Variants in FUS observed in about 807,000 individuals in gnomAD.
FUS encodes the protein RNA-binding protein FUS.
FUS carries 5 observed loss-of-function variants against 82.7 expected under a neutral mutation model. That is an observed-to-expected ratio of 0.06 (90% CI 0.03 to 0.13). FUS has a LOEUF of 0.13. Ranked by LOEUF, FUS falls within the 10% of genes least tolerant of loss-of-function variation. The pLI is 1.00. For synonymous variants in FUS, 281 were observed against 247.4 expected (o/e 1.14, Z -1.27); for missense variants, 512 against 707.8 (o/e 0.72, Z 3.14).
At chr16:31,184,661 T>A (rs1434711970) in intron 5 of FUS, among the ~76,000 whole-genome samples, 1 of 152,010 alleles carries the variant, frequency 6.6e-6, no homozygotes, top group African/African-American at 2.4e-5. Context: ...GCCAGGATGG[T>A]TTCGATCTCC....
At chr16:31,192,266 G>C (rs1271842459), downstream of FUS, 2 of 526,658 alleles carry the variant, frequency 3.8e-6, no homozygotes, top group East Asian at 8.1e-5. Flanking sequence ...AGGGTGGAAG[G>C]CCCTCCTAAG....
At position 31,180,165 on chromosome 16, in the gene FUS, A is replaced by G. The variant is rs763840268; in HGVS notation, c.-50A>G. On this transcript the variant is annotated 5_prime_UTR_variant, in exon 1 of 15. Transcript: ENST00000254108. Reference sequence around the variant, plus strand: ...CTCAGTCCTCCAGGCGTCGGTACTCAGCGGTGTTGGAACTTCGTTGCTTGC... The same window carrying G: ...CTCAGTCCTCCAGGCGTCGGTACTCGGCGGTGTTGGAACTTCGTTGCTTGC... 77 of 1,602,862 alleles carry G rather than the reference A, an allele frequency of 4.8e-5. No individual in the cohort carries two copies. Among genetic ancestry groups the G allele is most frequent in the Middle Eastern group, 1.6e-4 (1 of 6,070 alleles).
downstream of FUS, chr16:31,193,669 G>T (rs907668604): frequency 1.9e-6 from 1 of 531,708 alleles, no homozygotes; most frequent in South Asian, 1.5e-5. Flanking sequence ...GGTCCAGTTT[G>T]GGGGGATCTT....
intron 10 of FUS, 60 bp from the exon 11 acceptor site, chr16:31,189,980 G>A: frequency 6.4e-7 from 1 of 1,565,460 alleles, no homozygotes; most frequent in Non-Finnish European, 8.7e-7. Context: ...CGCTTCTCTT[G>A]TATTTTCGGA....
chr16:31,194,740 C>G (rs548879161), downstream of FUS: 16 of 484,684 alleles, frequency 3.3e-5, no homozygotes, highest in Middle Eastern at 6.1e-4. Flanking sequence ...TGAGAACATA[C>G]AAAGCCACTC....
Position 31,184,278 on chromosome 16 carries a change from C to G in FUS, c.405C>G (p.Ser135Arg). The G allele has an allele frequency of 6.2e-7, 1 of 1,614,092 alleles. No individual in the cohort carries two copies. Among genetic ancestry groups the G allele is most frequent in the Non-Finnish European group, 8.5e-7 (1 of 1,180,006 alleles). Residue 135 changes from serine to arginine, a missense_variant, in exon 5 of 15, where the codon AGC becomes AGG. Coordinates refer to ENST00000254108, the MANE Select transcript of FUS (RefSeq NM_004960.4). ...PQSGSYSQQPSYGGQQQSYGQ... is the reference protein window; with the variant it reads ...PQSGSYSQQPRYGGQQQSYGQ... The stretch of plus-strand genomic sequence containing the variant: ...GTGGGAGCTACAGCCAGCAGCCTAG[C>G]TATGGTGGACAGCAGCAAAGCTATG...
At position 31,189,139 on chromosome 16, in the gene FUS, C is replaced by G; in HGVS notation, c.849C>G (p.Asp283Glu). Reference protein sequence around the residue: ...SRHDSEQDNSDNNTIFVQGLG... With the variant: ...SRHDSEQDNSENNTIFVQGLG... ...AACAAGCAGAACAGGATAATTCAGA[C>G]AACAACACCATCTTTGTGCAAGGCC... The change falls in exon 9 of 15, where the codon GAC becomes GAG. Residue 283 changes from aspartate to glutamate, a missense_variant. This residue lies in a region of FUS where 51 missense variants were observed against 72.2 expected (regional missense o/e 0.71). Transcript: ENST00000254108. 5 of 1,613,490 alleles carry G rather than the reference C, an allele frequency of 3.1e-6. No individual in the cohort carries two copies. The highest frequency in any genetic ancestry group is 4.2e-6 in the Non-Finnish European group (5 of 1,179,420).
chr16:31,190,973 C>T lies in FUS; in HGVS notation c.1404C>T (p.Tyr468=), dbSNP rs562029185. ...TTTCTTTTGTCCTAGGGGGTAACTACGGGGATGATCGTCGTGGTGGCAGAG... is the reference window on the plus strand; with the variant it reads ...TTTCTTTTGTCCTAGGGGGTAACTATGGGGATGATCGTCGTGGTGGCAGAG... ...GPGGSHMGGN[Y]GDDRRGGRGG... Residue 468 remains tyrosine (Y), a synonymous_variant, in exon 14 of 15, where the codon TAC becomes TAT. Transcript: ENST00000254108. 3.6e-5 allele frequency: 58 copies of T among 1,612,690 alleles called. No individual in the cohort carries two copies. The South Asian group carries it at 5.8e-4, about 16-fold the overall frequency.
At chr16:31,183,164 G>A (rs1193677575) in intron 3 of FUS, 3 of 194,114 alleles carry the variant, frequency 1.5e-5, no homozygotes, top group African/African-American at 4.7e-5. Context: ...AGGAGGCTGA[G>A]GCGGGAGGAT....
intron 8 of FUS, 43 bp downstream of exon 8, chr16:31,188,400 T>C (rs1274299614): frequency 1.3e-6 from 2 of 1,598,506 alleles, no homozygotes; most frequent in Non-Finnish European, 1.7e-6. Context: ...GCTAAAGTGG[T>C]ATCAAGACTG....
In FUS at chr16:31,188,424, T is replaced by C. The variant is rs1417576680; in HGVS notation, c.832+67T>C. The C allele has an allele frequency of 1.1e-5, 17 of 1,533,312 alleles. No individual in the cohort carries two copies. The South Asian group carries it at 1.7e-4, about 15-fold the overall frequency. The allele number at this position is 1,533,312 out of a possible 1,614,324, so 95.0% of individuals were successfully genotyped here. On this transcript the variant is annotated intron_variant, in intron 8 of 14. Coordinates refer to ENST00000254108, the MANE Select transcript of FUS (RefSeq NM_004960.4). ...GTATCAAGACTGCCTGGATGTTCTTTGAAACTATTATAAAAAGGAAACTGA... is the reference window on the plus strand; with the variant it reads ...GTATCAAGACTGCCTGGATGTTCTTCGAAACTATTATAAAAAGGAAACTGA...
rs753458243 is a variant in FUS, at chr16:31,191,040, C to T, written c.1471C>T (p.Arg491Cys). 1.4e-5 allele frequency: 22 copies of T among 1,612,604 alleles called. No individual in the cohort carries two copies. The highest frequency in any genetic ancestry group is 6.7e-5 in the Admixed American group (4 of 59,898). Residue 491 changes from arginine to cysteine, a missense_variant, in exon 14 of 15, where the codon CGT becomes TGT. By Grantham distance (180) the Arg-to-Cys change is radical. Coordinates refer to ENST00000254108, the MANE Select transcript of FUS (RefSeq NM_004960.4). The stretch of plus-strand genomic sequence containing the variant: ...CGGCTACCGGGGCCGCGGCGGGGAC[C>T]GTGGAGGCTTCCGAGGGGGCCGGGG... ...RGGYRGRGGD[R>C]GGFRGGRGGG...
chr16:31,189,655 C>T lies in FUS; in HGVS notation c.937-10C>T, dbSNP rs199705472. 43 of 1,613,996 alleles carry T rather than the reference C, an allele frequency of 2.7e-5. No homozygotes were observed. The highest frequency in any genetic ancestry group is 3.3e-4 in the Middle Eastern group (2 of 6,084). On this transcript the variant is annotated splice_polypyrimidine_tract_variant and intron_variant, in intron 9 of 14. Coordinates refer to ENST00000254108, the MANE Select transcript of FUS (RefSeq NM_004960.4). The stretch of plus-strand genomic sequence containing the variant: ...TTAAAATTGATGTTACCTCATTTTG[C>T]TTTCTTCAGACAAACAAGAAAACGG...
chr16:31,193,358 A>G (rs1487203090), downstream of FUS: 4 of 524,968 alleles, frequency 7.6e-6, no homozygotes, highest in South Asian at 4.6e-5. Context: ...TAGTACATGT[A>G]GAGGATGTGG....
intron 12 of FUS, 168 bp downstream of exon 12, chr16:31,190,566 A>G: frequency 3.3e-6 from 4 of 1,197,802 alleles, no homozygotes; most frequent in Non-Finnish European, 5.0e-6. Context: ...TGGGAAAGGT[A>G]ATGGATTGGG....
chr16:31,193,692 A>T (rs980372339), downstream of FUS: 2 of 532,264 alleles, frequency 3.8e-6, no homozygotes, highest in African/African-American at 3.7e-5. Context: ...AGGAGAATGG[A>T]TAGAGACACC....
chr16:31,188,915 A>G (rs2079311755), intron 8 of FUS: 2 of 602,300 alleles, frequency 3.3e-6, no homozygotes, highest in Non-Finnish European at 3.0e-6. Context: ...GGGTGTTAAC[A>G]TGTTTCAAAG....
rs1429657204 is a variant in FUS at position 31,180,218 on chromosome 16, G to A, written c.4G>A (p.Ala2Thr). The change falls in exon 1 of 15, where the codon GCC becomes ACC. Residue 2 changes from alanine to threonine, a missense_variant. By Grantham distance (58) the Ala-to-Thr change is moderately conservative. Coordinates refer to ENST00000254108, the MANE Select transcript of FUS (RefSeq NM_004960.4). Reference protein sequence around the residue: MASNDYTQQATQ... With the variant: MTSNDYTQQATQ... ...GCCTGTGCGCGCGTGCGCGGACATG[G>A]CCTCAAACGGTAGGTAAGGGCGCGA... 5.0e-6 allele frequency: 8 copies of A among 1,611,064 alleles called. No homozygotes were observed. Among genetic ancestry groups the A allele is most frequent in the Non-Finnish European group, 5.9e-6 (7 of 1,178,684 alleles).
At chr16:31,184,039 A>T in intron 4 of FUS, 37 bp downstream of exon 4, 1 of 1,612,608 alleles carries the variant, frequency 6.2e-7, no homozygotes, top group Non-Finnish European at 8.5e-7. Flanking sequence ...GCTTGAAAAG[A>T]GGGGTGAATT....
Sources: gnomAD v4.1 joint callset for allele counts (sites outside exome capture counted in the v4.1 genomes callset) on GRCh38, gnomAD v4.1.1 for gene constraint, gnomAD v4.1.1 regional missense constraint, MANE v1.5 for transcripts, NCBI Gene and HGNC (gene_info 2026-07-23, HGNC 2026-07-21) for gene names.